TENM3: variants seen among roughly 807,000 people sequenced by gnomAD.
The protein encoded by TENM3 is teneurin-3.
In TENM3, 63 loss-of-function variants were observed where a neutral mutation model predicts 255.1. That is an observed-to-expected ratio of 0.25 (90% confidence interval 0.20 to 0.30). TENM3 has a LOEUF of 0.30. TENM3 is among the 10% of genes least tolerant of loss of function. The pLI is 1.00. For synonymous variants in TENM3, 1,306 were observed against 1,322.3 expected (o/e 0.99, Z 0.27); for missense variants, 2,929 against 3,461.1 (o/e 0.85, Z 3.86).
intron 6 of TENM3, among the ~76,000 whole-genome samples, chr4:182,664,678 G>A (rs1214191960): frequency 2.0e-5 from 3 of 152,178 alleles, no homozygotes; most frequent in Admixed American, 6.5e-5. Flanking sequence ...TTGAAAGCAC[G>A]ATTCCAGTGA....
chr4:182,797,181 T>G (rs1766555018), intron 27 of TENM3, among the ~76,000 whole-genome samples: 1 of 152,212 alleles, frequency 6.6e-6, no homozygotes, highest in African/African-American at 2.4e-5. Flanking sequence ...GGCTCACGCC[T>G]GTAATCCCAG....
the TENM3 span, among the ~76,000 whole-genome samples, chr4:182,026,138 T>C: frequency 3.9e-5 from 6 of 152,334 alleles, no homozygotes; most frequent in African/African-American, 1.4e-4. Flanking sequence ...TCCATGTCCC[T>C]GCAAAGACAT....
At chr4:182,212,840 A>G in intron 1 of TENM3, among the ~76,000 whole-genome samples, 1 of 152,222 alleles carries the variant, frequency 6.6e-6, no homozygotes, top group South Asian at 2.1e-4. Context: ...GTTCTCTGTC[A>G]TTGTCTTGGG....
intron 19 of TENM3, among the ~76,000 whole-genome samples, chr4:182,745,832 A>G (rs1348594752): frequency 7.2e-6 from 1 of 138,000 alleles, no homozygotes; most frequent in East Asian, 2.2e-4. Context: ...AAAAAAATCT[A>G]TGAGGTTAGA....
At chr4:182,161,228 A>G (rs1363942210) in intron 1 of TENM3, among the ~76,000 whole-genome samples, 1 of 140,682 alleles carries the variant, frequency 7.1e-6, no homozygotes, top group African/African-American at 2.6e-5. Context: ...CATCCTGGCT[A>G]ACACGGTGAA....
chr4:182,637,768 A>G lies in TENM3; in HGVS notation c.988+8879A>G, dbSNP rs145214674. 8.2e-3 allele frequency among the ~76,000 whole-genome samples: 1,246 copies of G among 152,344 alleles called. 13 individuals carry two copies. The highest frequency in any genetic ancestry group is 0.029 in the African/African-American group (1,202 of 41,572). On this transcript the variant is annotated intron_variant, in intron 5 of 27. Coordinates refer to ENST00000511685, the MANE Select transcript of TENM3 (RefSeq NM_001080477.4). ...ATGCAAACACTGAGTAATTAATTAC[A>G]GTTATAGTAACTGTTTGAAAAGGAG...
the TENM3 span, among the ~76,000 whole-genome samples, chr4:181,521,448 A>T: frequency 6.6e-6 from 1 of 152,216 alleles, no homozygotes; most frequent in African/African-American, 2.4e-5. Context: ...GGAAAGGTGA[A>T]ATGTGAAGCT....
intron 1 of TENM3, among the ~76,000 whole-genome samples, chr4:182,173,758 A>G (rs1752259874): frequency 1.3e-5 from 2 of 152,212 alleles, no homozygotes; most frequent in South Asian, 4.1e-4. Context: ...AAAATCACAT[A>G]TACAGCTTGT....
At chr4:181,755,405 G>A in the TENM3 span, among the ~76,000 whole-genome samples, 1 of 151,564 alleles carries the variant, frequency 6.6e-6, no homozygotes, top group Non-Finnish European at 1.5e-5. Flanking sequence ...ATGATTCTAG[G>A]AAAAGACTCA....
Position 182,792,869 on chromosome 4 carries a change from T to A in TENM3, c.6197T>A (p.Ile2066Asn). 1.2e-6 allele frequency: 2 copies of A among 1,613,956 alleles called. No homozygotes were observed. Among genetic ancestry groups the A allele is most frequent in the Non-Finnish European group, 1.7e-6 (2 of 1,179,840 alleles). ...FGKFGVIYYD[I>N]NQIISTAVMT... ...AAGTTTGGAGTTATATATTATGATA[T>A]TAACCAGATCATTTCTACAGCTGTA... Residue 2066 changes from isoleucine (I) to asparagine (N), a missense_variant, in exon 26 of 28, where the codon ATT becomes AAT. By Grantham distance (149) the Ile-to-Asn change is moderately radical (BLOSUM62 -3). Transcript: ENST00000511685. This position sits in a 1 kb window ranked among gnomAD's most constrained non-coding sequence, Gnocchi z 6.3.
chr4:182,151,902 G>T lies in TENM3; in HGVS notation c.-76+7148G>T, dbSNP rs542398624. Reference sequence around the variant, plus strand: ...ATGTGATGAACTATAATATTGCAAAGAAATGAAAACTGCAGTATACACAGC... The same window carrying T: ...ATGTGATGAACTATAATATTGCAAATAAATGAAAACTGCAGTATACACAGC... On this transcript the variant is annotated intron_variant, in intron 1 of 2. Coordinates refer to the TENM3 transcript ENST00000512480. Among the ~76,000 whole-genome samples, 11 of 151,968 alleles carry T rather than the reference G, an allele frequency of 7.2e-5. No homozygotes were observed. The South Asian group carries it at 1.7e-3, about 23-fold the overall frequency.
intron 3 of TENM3, among the ~76,000 whole-genome samples, chr4:182,589,106 G>A (rs1746341668): frequency 6.6e-6 from 1 of 152,154 alleles, no homozygotes; most frequent in South Asian, 2.1e-4. Context: ...CATAAGCATG[G>A]TATTAGGAGC....
intron 19 of TENM3, among the ~76,000 whole-genome samples, chr4:182,748,808 T>TC (rs940395673): frequency 2.0e-5 from 3 of 152,120 alleles, no homozygotes; most frequent in Non-Finnish European, 4.4e-5. Context: ...CCACGTAGAC[T>TC]CCCCCACATT....
intron 3 of TENM3, among the ~76,000 whole-genome samples, chr4:182,526,083 C>T (rs1739136078): frequency 6.6e-6 from 1 of 152,092 alleles, no homozygotes; most frequent in Non-Finnish European, 1.5e-5. Flanking sequence ...AGGTTCACGC[C>T]GTTCTCCTGC....
chr4:181,714,183 C>A, the TENM3 span, among the ~76,000 whole-genome samples: 3 of 152,112 alleles, frequency 2.0e-5, no homozygotes, highest in Non-Finnish European at 4.4e-5. Flanking sequence ...TGCCTATAAT[C>A]CAAACACCTT....
the TENM3 span, among the ~76,000 whole-genome samples, chr4:181,488,488 T>C: frequency 2.4e-4 from 36 of 152,304 alleles, 1 homozygote; most frequent in African/African-American, 7.0e-4. Context: ...CAATCAGCAG[T>C]ACTTATAATT....
the TENM3 span, among the ~76,000 whole-genome samples, chr4:181,742,783 G>A: frequency 9.3e-5 from 14 of 151,342 alleles, no homozygotes; most frequent in East Asian, 1.4e-3. Flanking sequence ...CCACTAACTC[G>A]TCATCTAGCA....
intron 3 of TENM3, among the ~76,000 whole-genome samples, chr4:182,504,288 C>CAG (rs1459414010): frequency 6.6e-6 from 1 of 151,914 alleles, no homozygotes; most frequent in Non-Finnish European, 1.5e-5. Context: ...AGGCTCTGTG[C>CAG]AGAGAGAGAC....
chr4:181,787,769 C>T, the TENM3 span, among the ~76,000 whole-genome samples: 73 of 152,180 alleles, frequency 4.8e-4, 2 homozygotes, highest in Middle Eastern at 3.4e-3. Flanking sequence ...GATGTCCTGC[C>T]TTTTTGGGCC....
Sources: allele counts gnomAD v4.1 joint callset (sites outside exome capture counted in the v4.1 genomes callset), GRCh38; gene constraint gnomAD v4.1.1; non-coding constraint Gnocchi (gnomAD v3.1); transcripts MANE v1.5; gene names NCBI Gene and HGNC (gene_info 2026-07-23, HGNC 2026-07-21).